The following ZFYVE26 variants were observed in gnomAD, a reference collection of about 807,000 sequenced individuals.
The protein encoded by ZFYVE26 is zinc finger FYVE domain-containing protein 26.
Under a neutral mutation model 276.5 loss-of-function variants are expected in ZFYVE26, and 181 were observed. That is an observed-to-expected ratio of 0.65 (90% CI 0.58 to 0.74). The LOEUF (loss-of-function observed/expected upper bound fraction) is 0.74, where lower values mean the gene tolerates loss of function less well. ZFYVE26 is among the 30% of genes least tolerant of loss of function. ZFYVE26 has a pLI of 0.00. For synonymous variants in ZFYVE26, 1,129 were observed against 1,203.1 expected (o/e 0.94, Z 1.27); for missense variants, 2,821 against 3,097.9 (o/e 0.91, Z 2.12).
At chr14:67,769,405 C>T (rs1304988193) in intron 29 of ZFYVE26, among the ~76,000 whole-genome samples, 189 bp downstream of exon 29, 4 of 152,214 alleles carry the variant, frequency 2.6e-5, no homozygotes, top group Admixed American at 2.6e-4. Flanking sequence ...ACCCTACTTT[C>T]TCTCTTAGTG....
chr14:67,740,308 C>T (rs2038400891), intron 13 of ZFYVE26, among the ~76,000 whole-genome samples: 1 of 151,532 alleles, frequency 6.6e-6, no homozygotes, highest in Non-Finnish European at 1.5e-5. Flanking sequence ...TTAATATATT[C>T]TCATAAAAAT....
chr14:67,754,730 T>C (rs2038734356), intron 37 of ZFYVE26, among the ~76,000 whole-genome samples: 1 of 152,294 alleles, frequency 6.6e-6, no homozygotes, highest in South Asian at 2.1e-4. Flanking sequence ...GGATCGATGC[T>C]TAGCAAGAAG....
At chr14:67,755,425 A>G (rs556721993) in intron 36 of ZFYVE26, among the ~76,000 whole-genome samples, 175 bp from the exon 37 acceptor site, 1 of 152,222 alleles carries the variant, frequency 6.6e-6, no homozygotes, top group South Asian at 2.1e-4. Flanking sequence ...GAGATCCTGA[A>G]GTGCACTGAC....
intron 15 of ZFYVE26, among the ~76,000 whole-genome samples, chr14:67,789,874 C>T (rs1173181311): frequency 5.3e-5 from 8 of 152,130 alleles, no homozygotes; most frequent in African/African-American, 1.7e-4. Flanking sequence ...TCTGTGTGTG[C>T]TAATCAGAAA....
At chr14:67,739,064 G>C (rs2038384916) in intron 13 of ZFYVE26, among the ~76,000 whole-genome samples, 2 of 152,130 alleles carry the variant, frequency 1.3e-5, no homozygotes. Flanking sequence ...ACATTTTTTT[G>C]CAAGTGACGG....
chr14:67,773,635 C>G (rs1257323391), intron 27 of ZFYVE26, among the ~76,000 whole-genome samples: 3 of 151,882 alleles, frequency 2.0e-5, no homozygotes, highest in African/African-American at 7.3e-5. Context: ...CATGAAGCTG[C>G]TCATATACTT....
chr14:67,756,256 A>G, intron 35 of ZFYVE26, 111 bp from the exon 36 acceptor site: 2 of 1,087,536 alleles, frequency 1.8e-6, no homozygotes, highest in South Asian at 2.5e-5. Flanking sequence ...CTCCCAATGC[A>G]GTGCTTCTTA....
chr14:67,750,055 T>C (rs1241666204), intron 41 of ZFYVE26, among the ~76,000 whole-genome samples: 1 of 152,212 alleles, frequency 6.6e-6, no homozygotes, highest in African/African-American at 2.4e-5. Flanking sequence ...TCTGTCCTGC[T>C]GAGTGGGAGG....
rs778632064 is a variant in ZFYVE26, at chr14:67,802,225, T to A, written c.1493A>T (p.Tyr498Phe). 1 of 1,614,080 alleles carries A rather than the reference T, an allele frequency of 6.2e-7. No homozygotes were observed. The highest frequency in any genetic ancestry group is 1.3e-5 in the African/African-American group (1 of 74,932). The change falls in exon 10 of 42, where the codon TAC (tyrosine) becomes TTC (phenylalanine). Residue 498 changes from tyrosine to phenylalanine, a missense_variant. Coordinates refer to ENST00000347230, the MANE Select transcript of ZFYVE26 (RefSeq NM_015346.4). ...ATACTTCATGGCACAGAAGCCCTGG[T>A]AGAGTGTCAGGTTCTGACACTGGCT... ...HLSQCQNLTL[Y>F]QGFCAMKYAI...
chr14:67,763,096 G>A (rs1399577929), intron 32 of ZFYVE26, among the ~76,000 whole-genome samples: 1 of 152,078 alleles, frequency 6.6e-6, no homozygotes, highest in Non-Finnish European at 1.5e-5. Flanking sequence ...ATAGAGACAG[G>A]GCTTCACCAC....
chr14:67,759,381 C>T (rs1345739866), intron 35 of ZFYVE26, among the ~76,000 whole-genome samples: 1 of 151,790 alleles, frequency 6.6e-6, no homozygotes, highest in Non-Finnish European at 1.5e-5. Context: ...AATCCCAGCA[C>T]TTTGGAAGCC....
At chr14:67,808,582 G>A (rs772373934) in intron 4 of ZFYVE26, among the ~76,000 whole-genome samples, 3 of 151,952 alleles carry the variant, frequency 2.0e-5, no homozygotes, top group Non-Finnish European at 4.4e-5. Flanking sequence ...GTGAGAAGTA[G>A]GTTATTTCCC....
chr14:67,745,671 A>G (rs1293816625), downstream of ZFYVE26, among the ~76,000 whole-genome samples: 1 of 152,012 alleles, frequency 6.6e-6, no homozygotes, highest in Admixed American at 6.6e-5. Context: ...AAGATTGACA[A>G]TTTGGTTGAT....
Position 67,772,084 on chromosome 14 carries a change from CTCTCAGTCTCAT to C in ZFYVE26, c.5435_5446del (p.Asp1812_Ser1816delinsGly). The C allele has an allele frequency of 6.2e-7, 1 of 1,612,230 alleles. No individual in the cohort carries two copies. Among genetic ancestry groups the C allele is most frequent in the Admixed American group, 1.7e-5 (1 of 59,898 alleles). On this transcript the variant is annotated inframe_deletion, in exon 28 of 42. Coordinates refer to ENST00000347230, the MANE Select transcript of ZFYVE26 (RefSeq NM_015346.4). ...CTCCCTGCAGCAGACCATGCAGATACTCTCAGTCTCATCCGGTACCCACTGGTGCCTGGCAGG... is the reference window on the plus strand; with the variant it reads ...CTCCCTGCAGCAGACCATGCAGATACCCGGTACCCACTGGTGCCTGGCAGG...
At chr14:67,788,730 C>T (rs530061544) in intron 16 of ZFYVE26, among the ~76,000 whole-genome samples, 1 of 152,310 alleles carries the variant, frequency 6.6e-6, no homozygotes, top group African/African-American at 2.4e-5. Context: ...CTACTCATAT[C>T]ATAACCTATT....
chr14:67,808,950 T>C lies in ZFYVE26; in HGVS notation c.363+250A>G, dbSNP rs112673222. On this transcript the variant is annotated intron_variant, in intron 4 of 41. Transcript: ENST00000347230. Reference sequence around the variant, plus strand: ...TACTAGTTCCTTGTCCCCTTCATATTCCCTGCTATCTACTAATAAATCTTT... The same window carrying C: ...TACTAGTTCCTTGTCCCCTTCATATCCCCTGCTATCTACTAATAAATCTTT... Among the ~76,000 whole-genome samples the C allele has an allele frequency of 1.0e-3, 154 of 152,288 alleles. 1 individual carries two copies. Among genetic ancestry groups the C allele is most frequent in the African/African-American group, 3.5e-3 (147 of 41,562 alleles).
intron 20 of ZFYVE26, among the ~76,000 whole-genome samples, chr14:67,784,080 T>C (rs2039584458): frequency 6.6e-6 from 1 of 152,236 alleles, no homozygotes; most frequent in Non-Finnish European, 1.5e-5. Context: ...ATTGAATTTT[T>C]AGATTTTTGC....
intron 40 of ZFYVE26, among the ~76,000 whole-genome samples, chr14:67,751,984 T>G (rs568045165): frequency 7.2e-4 from 109 of 152,300 alleles, no homozygotes; most frequent in Admixed American, 1.6e-3. Flanking sequence ...CTCTGTTCAC[T>G]CCACAAAGCC....
intron 39 of ZFYVE26, 97 bp from the exon 40 acceptor site, chr14:67,752,623 T>TA: frequency 7.8e-7 from 1 of 1,285,366 alleles, no homozygotes. Context: ...TTGGTGTAGA[T>TA]AAGCCATATT....
Sources: allele counts gnomAD v4.1 joint callset (sites outside exome capture counted in the v4.1 genomes callset), GRCh38; gene constraint gnomAD v4.1.1; transcripts MANE v1.5; gene names NCBI Gene and HGNC (gene_info 2026-07-23, HGNC 2026-07-21).